Variants in SORBS2 observed in about 807,000 individuals in gnomAD.
The protein encoded by SORBS2 is sorbin and SH3 domain containing 2, also known as sorbin and SH3 domain-containing protein 2.
In SORBS2, 46 loss-of-function variants were observed where a neutral mutation model predicts 97.7. The ratio of observed to expected loss-of-function variants is 0.47; its 90% CI spans 0.37 to 0.60. SORBS2 has a LOEUF of 0.60. Ranked by LOEUF, SORBS2 falls within the 20% of genes least tolerant of loss-of-function variation. The probability of loss-of-function intolerance (pLI) is 0.00; values close to 1 mark genes in which losing one functional copy is unlikely to be tolerated. For synonymous variants in SORBS2, 476 were observed against 473.4 expected (o/e 1.01, Z -0.07); for missense variants, 1,316 against 1,282.3 (o/e 1.03, Z -0.40).
upstream of SORBS2, among the ~76,000 whole-genome samples, chr4:185,658,692 CTTTTT>C (rs35439018): frequency 8.6e-6 from 1 of 115,988 alleles, no homozygotes; most frequent in Non-Finnish European, 1.8e-5. Flanking sequence ...AATAAGTAAG[CTTTTT>C]TTTTTTTTTT....
At chr4:185,604,663 A>T (rs997876709) in intron 12 of SORBS2, among the ~76,000 whole-genome samples, 1 of 152,152 alleles carries the variant, frequency 6.6e-6, no homozygotes, top group African/African-American at 2.4e-5. Context: ...TTTATGACAA[A>T]TTTTTTGCTT....
exon 1 of SORBS2, chr4:185,656,942 A>C (rs1295052967): frequency 8.6e-7 from 1 of 1,157,362 alleles, no homozygotes; most frequent in African/African-American, 1.6e-5. Flanking sequence ...TCTTCACTCC[A>C]ATCATCTCAC....
chr4:185,790,042 C>T (rs1015855897), intron 1 of SORBS2, among the ~76,000 whole-genome samples: 6 of 152,032 alleles, frequency 3.9e-5, no homozygotes, highest in African/African-American at 1.4e-4. Flanking sequence ...CATGAATGGT[C>T]CTTGCTAATT....
At chr4:185,636,360 A>G (rs976073392) in intron 4 of SORBS2, among the ~76,000 whole-genome samples, 1 of 152,232 alleles carries the variant, frequency 6.6e-6, no homozygotes, top group Non-Finnish European at 1.5e-5. Context: ...GATTCAGTTC[A>G]ATAAGCTACC....
intron 1 of SORBS2, among the ~76,000 whole-genome samples, chr4:185,935,780 C>CAG (rs2099268638): frequency 4.6e-5 from 7 of 152,158 alleles, no homozygotes. Context: ...GTTGGTAACA[C>CAG]AGAGCATCAT....
intron 5 of SORBS2, 130 bp downstream of exon 17, chr4:185,630,419 C>A (rs2096887810): frequency 4.3e-6 from 2 of 470,088 alleles, no homozygotes; most frequent in Non-Finnish European, 3.8e-6. Flanking sequence ...AAAACAACTT[C>A]ATGAGGCATG....
chr4:185,588,925 C>A (rs770742058), intron 14 of SORBS2, among the ~76,000 whole-genome samples: 7 of 151,898 alleles, frequency 4.6e-5, no homozygotes, highest in Non-Finnish European at 1.0e-4. Flanking sequence ...TTTTTTTCTT[C>A]TTTTAATGGA....
intron 2 of SORBS2, among the ~76,000 whole-genome samples, chr4:185,741,325 T>C (rs1218732987): frequency 6.6e-6 from 1 of 151,650 alleles, no homozygotes; most frequent in Non-Finnish European, 1.5e-5. Context: ...TCTTCAGTCC[T>C]GCAATTGCAT....
At chr4:185,622,810 A>G in intron 7 of SORBS2, 104 bp downstream of exon 19, 1 of 1,207,870 alleles carries the variant, frequency 8.3e-7, no homozygotes, top group South Asian at 1.5e-5. Context: ...AACGACGCCA[A>G]ATGGTCTCCC....
chr4:185,737,396 C>T (rs567898638), intron 2 of SORBS2, among the ~76,000 whole-genome samples: 1 of 152,164 alleles, frequency 6.6e-6, no homozygotes, highest in Non-Finnish European at 1.5e-5. Flanking sequence ...CTGGAACCAT[C>T]GCCCTCCCTG....
intron 5 of SORBS2, among the ~76,000 whole-genome samples, chr4:185,629,264 CT>C (rs752595759): frequency 1.3e-5 from 2 of 152,060 alleles, no homozygotes; most frequent in African/African-American, 2.4e-5. Flanking sequence ...GTCTGTGTGT[CT>C]TTACGGCAAT....
intron 1 of SORBS2, among the ~76,000 whole-genome samples, chr4:185,905,678 G>A (rs1015471555): frequency 2.0e-5 from 3 of 152,068 alleles, no homozygotes; most frequent in African/African-American, 7.2e-5. Context: ...TGCCCAGGCT[G>A]GTCTTGTACT....
At chr4:185,664,896 T>A (rs2097574645) in intron 4 of SORBS2, among the ~76,000 whole-genome samples, 1 of 152,150 alleles carries the variant, frequency 6.6e-6, no homozygotes. Context: ...TTTTTTTGCC[T>A]GAAGCTATGT....
chr4:185,953,132 T>G (rs1246852395), intron 1 of SORBS2, among the ~76,000 whole-genome samples: 1 of 152,172 alleles, frequency 6.6e-6, no homozygotes, highest in Non-Finnish European at 1.5e-5. Flanking sequence ...CTGGCCAACA[T>G]AGTGAAACCC....
At chr4:185,956,014 A>G (rs1271298122) in intron 1 of SORBS2, among the ~76,000 whole-genome samples, 1 of 152,198 alleles carries the variant, frequency 6.6e-6, no homozygotes, top group Non-Finnish European at 1.5e-5. Flanking sequence ...TAAGCAACGT[A>G]AAGTGTTCCT....
intron 8 of SORBS2, 42 bp downstream of exon 20, chr4:185,620,021 G>T (rs13135314): frequency 0.018 from 21,911 of 1,191,798 alleles, 260 homozygotes; most frequent in Middle Eastern, 0.038. Flanking sequence ...GCTGTATCAA[G>T]TGTGTTGCTG....
chr4:185,648,256 G>A lies in SORBS2; in HGVS notation c.281+1211C>T, dbSNP rs143942484. ...GGACTGGCTGGGTGCAGTGACTCAC[G>A]CCTGTAATCCTAGCACTTTGGGAAG... On this transcript the variant is annotated intron_variant, in intron 3 of 14. Coordinates refer to ENST00000418609, the Ensembl canonical transcript of SORBS2. Among the ~76,000 whole-genome samples, 405 of 152,126 alleles carry A rather than the reference G, an allele frequency of 2.7e-3. 5 individuals are homozygous for A. The highest frequency in any genetic ancestry group is 9.5e-3 in the African/African-American group (396 of 41,506).
intron 2 of SORBS2, among the ~76,000 whole-genome samples, chr4:185,713,558 C>G (rs898535882): frequency 6.6e-6 from 1 of 152,138 alleles, no homozygotes; most frequent in Non-Finnish European, 1.5e-5. Context: ...TGGCTCTACA[C>G]AGGGTAGTTA....
chr4:185,762,292 A>T (rs2098899856), intron 2 of SORBS2, among the ~76,000 whole-genome samples: 1 of 152,150 alleles, frequency 6.6e-6, no homozygotes, highest in Non-Finnish European at 1.5e-5. Context: ...TGAGTTTTAG[A>T]CGCATTGAAT....
Sources: allele counts gnomAD v4.1 joint callset (sites outside exome capture counted in the v4.1 genomes callset), GRCh38; gene constraint gnomAD v4.1.1; transcripts MANE v1.5; gene names NCBI Gene and HGNC (gene_info 2026-07-23, HGNC 2026-07-21).